Variants in MTMR12 observed in about 807,000 individuals in gnomAD.
MTMR12 encodes myotubularin related protein 12.
In MTMR12, 33 loss-of-function variants were observed where a neutral mutation model predicts 96.7. The observed-to-expected ratio is 0.34, with a 90% confidence interval of 0.26 to 0.46. The LOEUF (loss-of-function observed/expected upper bound fraction) is 0.46. Among genes scored for constraint, MTMR12 ranks in the 20% least tolerant of loss-of-function variants. MTMR12 has a pLI of 1.00. For synonymous variants in MTMR12, 298 were observed against 327.2 expected, an observed-to-expected ratio of 0.91 and a Z score of 0.96; for missense variants, 721 against 896.1, an observed-to-expected ratio of 0.80 and a Z score of 2.49.
intron 1 of MTMR12, among the ~76,000 whole-genome samples, chr5:32,291,935 T>C (rs1750752087): frequency 6.6e-6 from 1 of 152,204 alleles, no homozygotes; most frequent in Non-Finnish European, 1.5e-5. Context: ...GGTTTGCCTA[T>C]CCTGCACACA....
chr5:32,242,644 T>C (rs539095614), intron 11 of MTMR12, among the ~76,000 whole-genome samples: 20 of 151,812 alleles, frequency 1.3e-4, no homozygotes, highest in African/African-American at 4.6e-4. Flanking sequence ...TCTGTTGTCT[T>C]CTGCTTGCAG....
intron 1 of MTMR12, among the ~76,000 whole-genome samples, chr5:32,310,383 A>C (rs566283882): frequency 1.4e-4 from 21 of 152,352 alleles, no homozygotes; most frequent in African/African-American, 4.8e-4. Context: ...CACCACAGCC[A>C]AGATTTGGAA....
chr5:32,266,386 C>CT (rs1749594421), intron 6 of MTMR12, among the ~76,000 whole-genome samples: 2 of 152,224 alleles, frequency 1.3e-5, no homozygotes, highest in East Asian at 3.9e-4. Context: ...GCCTTGTGTG[C>CT]TTTTTAAAAG....
chr5:32,267,960 A>C (rs1043548802), intron 6 of MTMR12, among the ~76,000 whole-genome samples: 2 of 151,996 alleles, frequency 1.3e-5, no homozygotes, highest in Non-Finnish European at 2.9e-5. Context: ...CAGCCTCTCA[A>C]GTACCTGGGA....
At chr5:32,286,994 G>C (rs1411962860) in intron 1 of MTMR12, among the ~76,000 whole-genome samples, 1 of 152,146 alleles carries the variant, frequency 6.6e-6, no homozygotes, top group East Asian at 1.9e-4. Context: ...TGACAGCCTT[G>C]GTAGAAATGT....
chr5:32,308,669 T>G (rs979284185), intron 1 of MTMR12, among the ~76,000 whole-genome samples: 2 of 152,054 alleles, frequency 1.3e-5, no homozygotes, highest in Admixed American at 6.6e-5. Context: ...GGCGTGATCT[T>G]GGCTCACTGC....
intron 12 of MTMR12, among the ~76,000 whole-genome samples, chr5:32,240,398 C>CAAAA (rs72026064): frequency 0.018 from 1,772 of 100,000 alleles, 22 homozygotes; most frequent in Non-Finnish European, 0.028. Flanking sequence ...GACTCCGTCT[C>CAAAA]AAAAAAAAAA....
chr5:32,288,071 G>T (rs1361509574), intron 1 of MTMR12, among the ~76,000 whole-genome samples: 2 of 152,150 alleles, frequency 1.3e-5, no homozygotes, highest in African/African-American at 2.4e-5. Context: ...TGGAAAAACA[G>T]ATACAAGCTC....
rs550012376 is a variant in MTMR12, at chr5:32,284,151, A to T, written c.82-7409T>A. On this transcript the variant is annotated intron_variant, in intron 1 of 15. Transcript: ENST00000382142. ...GCCAAACCCCATTTCCACAAAAAAA[A>T]ATTTTTTTTTTTTTTAATTAGCCAG... Among the ~76,000 whole-genome samples the T allele has an allele frequency of 1.8e-3, 277 of 151,766 alleles. 1 individual carries two copies. Among genetic ancestry groups the T allele is most frequent in the African/African-American group, 6.4e-3 (266 of 41,400 alleles).
intron 7 of MTMR12, among the ~76,000 whole-genome samples, chr5:32,256,349 T>C (rs1049133445): frequency 2.0e-5 from 3 of 152,220 alleles, no homozygotes; most frequent in South Asian, 2.1e-4. Flanking sequence ...AGATATGTAA[T>C]ATTATTTCCA....
intron 13 of MTMR12, 115 bp downstream of exon 13, chr5:32,238,886 C>A (rs761861376): frequency 4.2e-6 from 5 of 1,189,524 alleles, no homozygotes; most frequent in Non-Finnish European, 4.4e-6. Flanking sequence ...TCTTAACAAA[C>A]CTGTTTGGCT....
At chr5:32,279,559 C>G (rs1331868674) in intron 1 of MTMR12, among the ~76,000 whole-genome samples, 1 of 152,192 alleles carries the variant, frequency 6.6e-6, no homozygotes, top group East Asian at 1.9e-4. Context: ...GCATCCATTG[C>G]TTGTAAAGGA....
intron 1 of MTMR12, among the ~76,000 whole-genome samples, chr5:32,309,330 G>A (rs111857647): frequency 1.2e-4 from 18 of 152,172 alleles, no homozygotes; most frequent in African/African-American, 4.3e-4. Flanking sequence ...AAGAATACCC[G>A]ACAAGCATAG....
At chr5:32,279,076 CAAAAAAAAAAAAAAAAAAAAAAAA>C (rs35999870) in intron 1 of MTMR12, among the ~76,000 whole-genome samples, 5 of 50,532 alleles carry the variant, frequency 9.9e-5, no homozygotes, top group South Asian at 7.4e-4. Flanking sequence ...AACTCTGTCT[CAAAAAAAAAAAAAAAAAAAAAAAA>C]AAAAAAAAAA....
intron 1 of MTMR12, among the ~76,000 whole-genome samples, chr5:32,302,207 T>C (rs530095885): frequency 3.3e-5 from 5 of 152,348 alleles, no homozygotes; most frequent in African/African-American, 9.6e-5. Context: ...GGAAAAGTGA[T>C]GGCTATTATT....
At chr5:32,304,898 A>G (rs77585827) in intron 1 of MTMR12, among the ~76,000 whole-genome samples, 2,336 of 152,306 alleles carry the variant, frequency 0.015, 30 homozygotes, top group Non-Finnish European at 0.024. Context: ...GAGAAAAAGC[A>G]GAAGCTTTGG....
intron 1 of MTMR12, among the ~76,000 whole-genome samples, chr5:32,303,715 C>T (rs1363289755): frequency 1.3e-5 from 2 of 151,906 alleles, no homozygotes; most frequent in African/African-American, 4.8e-5. Context: ...TTTTTATAAA[C>T]CTCATGTAGG....
intron 1 of MTMR12, among the ~76,000 whole-genome samples, chr5:32,308,535 G>A (rs545038885): frequency 4.6e-5 from 7 of 152,042 alleles, no homozygotes; most frequent in African/African-American, 1.4e-4. Flanking sequence ...TGCATTTCCC[G>A]TAATATGATT....
rs925145464 is a variant in MTMR12 at position 32,244,734 on chromosome 5, A to G, written c.1022-1135T>C. On this transcript the variant is annotated intron_variant, in intron 10 of 15. Transcript: ENST00000382142. ...TATTGTAATGTTTTAGTTTGAGTTA[A>G]GAGTCATACATTGCTGTTTCCCCTG... 6.6e-5 allele frequency among the ~76,000 whole-genome samples: 10 copies of G among 152,388 alleles called. No homozygotes were observed. The East Asian group carries it at 1.3e-3, about 21-fold the overall frequency.
Sources: allele counts gnomAD v4.1 joint callset (sites outside exome capture counted in the v4.1 genomes callset), GRCh38; gene constraint gnomAD v4.1.1; transcripts MANE v1.5; gene names NCBI Gene and HGNC (gene_info 2026-07-23, HGNC 2026-07-21).